Variants in ZBTB8OS observed in about 807,000 individuals in gnomAD.
ZBTB8OS encodes the protein tRNA-splicing ligase-activating factor archease.
ZBTB8OS carries 16 observed loss-of-function variants against 29.3 expected under a neutral mutation model. The observed-to-expected ratio is 0.55, with a 90% confidence interval of 0.37 to 0.83. ZBTB8OS has a LOEUF of 0.83. ZBTB8OS is among the 40% of genes least tolerant of loss of function. ZBTB8OS has a pLI of 0.00. For synonymous variants in ZBTB8OS, 70 were observed against 64.6 expected (o/e 1.08, Z -0.40); for missense variants, 160 against 196.9 (o/e 0.81, Z 1.12).
chr1:32,636,487 G>A (rs1444305240), intron 1 of ZBTB8OS, among the ~76,000 whole-genome samples: 2 of 151,882 alleles, frequency 1.3e-5, no homozygotes, highest in African/African-American at 2.4e-5. Context: ...TCAGGAGATA[G>A]AGACCATCCT....
intron 1 of ZBTB8OS, among the ~76,000 whole-genome samples, chr1:32,649,633 AAC>A (rs962422171): frequency 1.3e-3 from 69 of 54,110 alleles, no homozygotes; most frequent in South Asian, 1.6e-3. Flanking sequence ...CATCTCTAAA[AAC>A]ACACACACAC....
chr1:32,649,618 G>A (rs1647133678), intron 1 of ZBTB8OS, among the ~76,000 whole-genome samples: 1 of 149,888 alleles, frequency 6.7e-6, no homozygotes, highest in South Asian at 2.1e-4. Flanking sequence ...GACAGAGCGA[G>A]ACCCCATCTC....
chr1:32,635,714 G>T (rs950804066), intron 1 of ZBTB8OS, among the ~76,000 whole-genome samples: 1 of 152,182 alleles, frequency 6.6e-6, no homozygotes, highest in African/African-American at 2.4e-5. Context: ...TTATGACAGT[G>T]AAAGAAATCG....
intron 1 of ZBTB8OS, among the ~76,000 whole-genome samples, chr1:32,635,935 G>A (rs571488924): frequency 5.3e-5 from 8 of 152,258 alleles, no homozygotes; most frequent in African/African-American, 1.2e-4. Context: ...TTAGAAATTA[G>A]AGTTTAAGGG....
chr1:32,643,303 C>A (rs553202740), intron 1 of ZBTB8OS, among the ~76,000 whole-genome samples: 1 of 151,996 alleles, frequency 6.6e-6, no homozygotes, highest in East Asian at 1.9e-4. Flanking sequence ...GAACCCCCGA[C>A]CTCAGGTGAT....
intron 5 of ZBTB8OS, chr1:32,627,934 A>C: frequency 5.8e-6 from 1 of 172,610 alleles, no homozygotes; most frequent in Non-Finnish European, 1.2e-5. Flanking sequence ...GGTCCCAGCC[A>C]CTCACGAGGA....
intron 1 of ZBTB8OS, among the ~76,000 whole-genome samples, chr1:32,639,095 C>A (rs891557625): frequency 6.6e-6 from 1 of 151,606 alleles, no homozygotes; most frequent in African/African-American, 2.4e-5. Context: ...GTCAGGAATT[C>A]GAGACCAGCC....
chr1:32,623,675 T>C (rs1644899546), intron 6 of ZBTB8OS, among the ~76,000 whole-genome samples: 1 of 152,154 alleles, frequency 6.6e-6, no homozygotes, highest in African/African-American at 2.4e-5. Context: ...TACAACCTTG[T>C]CTCCTACTAT....
chr1:32,645,267 G>A (rs897430438), intron 1 of ZBTB8OS, among the ~76,000 whole-genome samples: 1 of 152,152 alleles, frequency 6.6e-6, no homozygotes, highest in African/African-American at 2.4e-5. Context: ...GGAGGCCAAG[G>A]CAGGACGATT....
intron 6 of ZBTB8OS, among the ~76,000 whole-genome samples, chr1:32,626,377 T>C (rs1044552923): frequency 6.6e-6 from 1 of 152,166 alleles, no homozygotes; most frequent in Non-Finnish European, 1.5e-5. Context: ...GTTTGCACAA[T>C]GATGTAATCG....
At chr1:32,636,356 G>C (rs1001080126) in intron 1 of ZBTB8OS, among the ~76,000 whole-genome samples, 2 of 152,124 alleles carry the variant, frequency 1.3e-5, no homozygotes, top group Non-Finnish European at 2.9e-5. Flanking sequence ...GCTTTGTCTG[G>C]GCAGCAGGCA....
At chr1:32,646,126 C>A (rs1167887951) in intron 1 of ZBTB8OS, among the ~76,000 whole-genome samples, 1 of 152,026 alleles carries the variant, frequency 6.6e-6, no homozygotes, top group Non-Finnish European at 1.5e-5. Context: ...TCGAGACCAG[C>A]CTGGCCAACA....
intron 5 of ZBTB8OS, among the ~76,000 whole-genome samples, chr1:32,631,354 CAAA>C (rs560515421): frequency 1.1e-4 from 7 of 63,204 alleles, no homozygotes; most frequent in Admixed American, 1.8e-4. Context: ...GACCCTGTAT[CAAA>C]AAAAAAAAAA....
rs375447418 is a variant in ZBTB8OS, at chr1:32,650,388, G to A, written c.97+45C>T. Reference sequence around the variant, plus strand: ...GAAGCCGCGGGTAAGGAGAGGGGATGCCTGTGTGCTTACATGTAAAGAGAG... The same window carrying A: ...GAAGCCGCGGGTAAGGAGAGGGGATACCTGTGTGCTTACATGTAAAGAGAG... On this transcript the variant is annotated intron_variant, in intron 1 of 6. Coordinates refer to ENST00000468695, the MANE Select transcript of ZBTB8OS (RefSeq NM_178547.5). 9.3e-6 allele frequency: 15 copies of A among 1,611,534 alleles called. No homozygotes were observed. The African/African-American group carries it at 1.1e-4, about 11-fold the overall frequency.
At chr1:32,647,466 G>T (rs567659282) in intron 1 of ZBTB8OS, among the ~76,000 whole-genome samples, 14 of 151,672 alleles carry the variant, frequency 9.2e-5, no homozygotes, top group Admixed American at 5.9e-4. Flanking sequence ...AAGAAAGAAA[G>T]GGTCAATGCA....
chr1:32,627,443 CACATATATGAA>C, intron 6 of ZBTB8OS, 54 bp downstream of exon 6: 1 of 1,430,172 alleles, frequency 7.0e-7, no homozygotes, highest in Non-Finnish European at 9.8e-7. Context: ...AGTTGATTGT[CACATATATGAA>C]CTTTATGGTA....
intron 5 of ZBTB8OS, chr1:32,627,944 A>G (rs1428457180): frequency 1.2e-5 from 2 of 172,568 alleles, no homozygotes; most frequent in African/African-American, 4.8e-5. Flanking sequence ...ACTCACGAGG[A>G]GGAGGCAGGA....
chr1:32,627,636 G>A (rs1645217143), intron 5 of ZBTB8OS, 92 bp from the exon 6 acceptor site: 6 of 1,250,712 alleles, frequency 4.8e-6, no homozygotes, highest in Non-Finnish European at 6.9e-6. Context: ...ATGCTAGAAA[G>A]CCAAAAGAGA....
At chr1:32,648,953 A>G (rs1008476548) in intron 1 of ZBTB8OS, among the ~76,000 whole-genome samples, 9 of 130,720 alleles carry the variant, frequency 6.9e-5, no homozygotes, top group Non-Finnish European at 9.5e-5. Flanking sequence ...CGTGAGCCAC[A>G]GCACCAGGCC....
Sources: allele counts gnomAD v4.1 joint callset (sites outside exome capture counted in the v4.1 genomes callset), GRCh38; gene constraint gnomAD v4.1.1; transcripts MANE v1.5; gene names NCBI Gene and HGNC (gene_info 2026-07-23, HGNC 2026-07-21).